RASGRF2: variants seen among roughly 807,000 people sequenced by gnomAD.
The protein encoded by RASGRF2 is Ras protein specific guanine nucleotide releasing factor 2.
In RASGRF2, 76 loss-of-function variants were observed where a neutral mutation model predicts 151.0. The observed-to-expected ratio is 0.50, with a 90% CI of 0.42 to 0.61. RASGRF2 has a LOEUF of 0.61. Ranked by LOEUF, RASGRF2 falls within the 20% of genes least tolerant of loss-of-function variation. The pLI, the probability that RASGRF2 is intolerant of heterozygous loss-of-function variation, is 0.00. For synonymous variants in RASGRF2, 504 were observed against 566.5 expected (o/e 0.89, Z 1.57); for missense variants, 1,148 against 1,564.6 (o/e 0.73, Z 4.49).
Position 81,217,440 on chromosome 5 carries a change from G to A in RASGRF2, c.3519G>A (p.Glu1173=), listed in dbSNP as rs375606501. 2.5e-6 allele frequency: 4 copies of A among 1,612,810 alleles called. No individual in the cohort carries two copies. Among genetic ancestry groups the A allele is most frequent in the South Asian group, 2.2e-5 (2 of 90,738 alleles). Residue 1173 remains glutamate (E), a synonymous_variant, in exon 25 of 27, where the codon GAG becomes GAA. Transcript: ENST00000265080. The part of the protein sequence containing the change: ...FIEEGTPNFT[E]EGLVNFSKMR... The stretch of plus-strand genomic sequence containing the variant: ...AAGAAGGAACACCAAACTTTACTGA[G>A]GAAGGCCTTGTCAATTTCTCCAAAA...
At chr5:80,995,399 T>TATATATATATATATAC (rs1165966102) in intron 1 of RASGRF2, among the ~76,000 whole-genome samples, 13 of 119,798 alleles carry the variant, frequency 1.1e-4, no homozygotes, top group African/African-American at 3.6e-4. Flanking sequence ...TATATATATA[T>TATATATATATATATAC]ACACACACAC....
At chr5:81,201,740 G>T (rs1580402271) in intron 19 of RASGRF2, among the ~76,000 whole-genome samples, 1 of 152,158 alleles carries the variant, frequency 6.6e-6, no homozygotes, top group Admixed American at 6.5e-5. Flanking sequence ...AGCCTCTCCT[G>T]CAAGTCCGGC....
At chr5:81,046,264 C>CA (rs1337883528) in intron 2 of RASGRF2, among the ~76,000 whole-genome samples, 1 of 152,086 alleles carries the variant, frequency 6.6e-6, no homozygotes, top group Admixed American at 6.6e-5. Context: ...ATGAACATCA[C>CA]ATTGTTCTGT....
At chr5:81,052,654 A>T (rs1183621241) in intron 2 of RASGRF2, among the ~76,000 whole-genome samples, 1 of 152,210 alleles carries the variant, frequency 6.6e-6, no homozygotes, top group African/African-American at 2.4e-5. Context: ...TAGCCAATGA[A>T]GTGGAGATAC....
In RASGRF2 at chr5:81,220,206, A is replaced by G. The variant is rs537356691; in HGVS notation, c.3621+428A>G. On this transcript the variant is annotated intron_variant, in intron 26 of 26. Coordinates refer to ENST00000265080, the MANE Select transcript of RASGRF2 (RefSeq NM_006909.3). The stretch of plus-strand genomic sequence containing the variant: ...GGTCTTAGGATTAAAAAAAATTAAG[A>G]ATCTTTGACATGACTGTGAAGTCTC... Among the ~76,000 whole-genome samples, 12 of 152,228 alleles carry G rather than the reference A, an allele frequency of 7.9e-5. No individual in the cohort carries two copies. The South Asian group carries it at 1.5e-3, about 18-fold the overall frequency.
intron 6 of RASGRF2, 78 bp downstream of exon 6, chr5:81,080,278 A>G: frequency 3.2e-6 from 5 of 1,551,468 alleles, no homozygotes; most frequent in Non-Finnish European, 4.3e-6. Context: ...AACATTATTC[A>G]GCCTAAACTG....
intron 1 of RASGRF2, among the ~76,000 whole-genome samples, chr5:80,977,921 T>G (rs1039817621): frequency 5.9e-5 from 9 of 152,302 alleles, no homozygotes; most frequent in Admixed American, 2.6e-4. Flanking sequence ...GTAAGCATGT[T>G]TATGAGTCTG....
chr5:81,209,908 C>T (rs1202161155), intron 22 of RASGRF2, among the ~76,000 whole-genome samples: 3 of 152,202 alleles, frequency 2.0e-5, no homozygotes, highest in Non-Finnish European at 1.5e-5. Context: ...TACACTCACT[C>T]ACCCAAGCAC....
intron 15 of RASGRF2, among the ~76,000 whole-genome samples, chr5:81,114,501 GT>G (rs1187082681): frequency 6.6e-6 from 1 of 152,168 alleles, no homozygotes; most frequent in Non-Finnish European, 1.5e-5. Context: ...AGCCAAAATA[GT>G]TTTTTTAAAA....
intron 17 of RASGRF2, among the ~76,000 whole-genome samples, chr5:81,140,427 C>CACAG (rs563172715): frequency 2.1e-3 from 316 of 152,168 alleles, no homozygotes; most frequent in Middle Eastern, 6.8e-3. Context: ...CACACACACA[C>CACAG]ACACACACAG....
At chr5:81,178,370 A>G (rs370564238) in intron 17 of RASGRF2, among the ~76,000 whole-genome samples, 11 of 152,356 alleles carry the variant, frequency 7.2e-5, no homozygotes, top group East Asian at 3.9e-4. Flanking sequence ...AGAAGAAGAC[A>G]AAGTTTGGTG....
intron 3 of RASGRF2, among the ~76,000 whole-genome samples, chr5:81,069,586 C>T (rs1195363318): frequency 2.6e-5 from 4 of 152,154 alleles, no homozygotes; most frequent in Non-Finnish European, 4.4e-5. Flanking sequence ...ATGTAGATTG[C>T]AGCAAAAAAC....
Position 81,229,032 on chromosome 5 carries a change from C to T in RASGRF2, c.*3262C>T, listed in dbSNP as rs943497064. 2 of 152,024 alleles carry T rather than the reference C, an allele frequency of 1.3e-5. No homozygotes were observed. The highest frequency in any genetic ancestry group is 2.4e-5 in the African/African-American group (1 of 41,372). The allele number at this position is 152,024 out of a possible 1,614,324, so 9.4% of individuals were successfully genotyped here. A position where few individuals can be genotyped will look rare whatever the true frequency, so the allele number is the denominator to read the frequency against. On this transcript the variant is annotated 3_prime_UTR_variant, in exon 27 of 27. Transcript: ENST00000265080. Reference sequence around the variant, plus strand: ...CTTTCTCTCATGTTATTGTATAAGACGAGACTTTTGGGCCAGCAGCGATTG... The same window carrying T: ...CTTTCTCTCATGTTATTGTATAAGATGAGACTTTTGGGCCAGCAGCGATTG...
At position 81,047,092 on chromosome 5, in the gene RASGRF2, G is replaced by A. The variant is rs78126182; in HGVS notation, c.395+4109G>A. ...CATCTCTCAGGCCCCTAGCTTGGAC[G>A]GTGTCACTCTTTGGGAGAAGAAATG... is the stretch of plus-strand genomic sequence containing the variant. On this transcript the variant is annotated intron_variant, in intron 2 of 26. Coordinates refer to ENST00000265080, the MANE Select transcript of RASGRF2 (RefSeq NM_006909.3). Among the ~76,000 whole-genome samples the A allele has an allele frequency of 5.5e-3, 832 of 152,224 alleles. 5 individuals carry two copies. The highest frequency in any genetic ancestry group is 0.018 in the African/African-American group (761 of 41,514).
Position 81,225,790 on chromosome 5 carries a change from A to G in RASGRF2, c.*20A>G. On this transcript the variant is annotated 3_prime_UTR_variant, in exon 27 of 27. Coordinates refer to ENST00000265080, the MANE Select transcript of RASGRF2 (RefSeq NM_006909.3). Reference sequence around the variant, plus strand: ...GCTTGAAGATCTGGCCTTGCCCCTGAGTCCACGGGATGTTCATGGAAAGCA... The same window carrying G: ...GCTTGAAGATCTGGCCTTGCCCCTGGGTCCACGGGATGTTCATGGAAAGCA... 1 of 1,607,106 alleles carries G rather than the reference A, an allele frequency of 6.2e-7. No individual in the cohort carries two copies. The highest frequency in any genetic ancestry group is 1.1e-5 in the South Asian group (1 of 89,612).
chr5:81,098,004 A>G (rs1159613728), intron 12 of RASGRF2, among the ~76,000 whole-genome samples: 1 of 152,184 alleles, frequency 6.6e-6, no homozygotes. Context: ...CAGGGAGATG[A>G]GTGAGCAGGC....
At chr5:81,097,645 G>C (rs1245727091) in intron 12 of RASGRF2, among the ~76,000 whole-genome samples, 1 of 152,152 alleles carries the variant, frequency 6.6e-6, no homozygotes, top group Non-Finnish European at 1.5e-5. Context: ...TGTAGTAGGT[G>C]ATGGAGATAC....
intron 1 of RASGRF2, among the ~76,000 whole-genome samples, chr5:81,014,027 G>A (rs531127033): frequency 1.3e-5 from 2 of 151,972 alleles, no homozygotes; most frequent in South Asian, 2.1e-4. Flanking sequence ...CCTATGGATC[G>A]TCTTTTTTTT....
At chr5:81,086,094 C>T (rs996207992) in intron 8 of RASGRF2, among the ~76,000 whole-genome samples, 183 bp downstream of exon 8, 2 of 151,908 alleles carry the variant, frequency 1.3e-5, no homozygotes, top group African/African-American at 4.8e-5. Flanking sequence ...TCATTTGAAC[C>T]AAGAAAAATA....
Sources: allele counts gnomAD v4.1 joint callset (sites outside exome capture counted in the v4.1 genomes callset), GRCh38; gene constraint gnomAD v4.1.1; transcripts MANE v1.5; gene names NCBI Gene and HGNC (gene_info 2026-07-23, HGNC 2026-07-21).